Variants in MLLT10 observed in about 807,000 individuals in gnomAD.
The protein encoded by MLLT10 is MLLT10 histone lysine methyltransferase DOT1L cofactor, also known as protein AF-10.
MLLT10 carries 30 observed loss-of-function variants against 129.1 expected under a neutral mutation model. The ratio of observed to expected loss-of-function variants is 0.23; its 90% CI spans 0.17 to 0.32. MLLT10 has a LOEUF of 0.32. MLLT10 is among the 10% of genes least tolerant of loss of function. MLLT10 has a pLI of 1.00. For missense variants in MLLT10, 1,119 were observed against 1,268.3 expected, an observed-to-expected ratio of 0.88 and a Z score of 1.79; for synonymous variants, 490 against 446.4, an observed-to-expected ratio of 1.10 and a Z score of -1.23.
At chr10:21,650,418 G>A (rs2048907861) in intron 8 of MLLT10, among the ~76,000 whole-genome samples, 1 of 152,098 alleles carries the variant, frequency 6.6e-6, no homozygotes, top group South Asian at 2.1e-4. Flanking sequence ...TGACAGTGCA[G>A]CCTGAAAATA....
intron 22 of MLLT10, among the ~76,000 whole-genome samples, chr10:21,740,800 T>C (rs151104598): frequency 1.3e-5 from 2 of 152,368 alleles, no homozygotes; most frequent in East Asian, 3.9e-4. Context: ...GCAGGAACAG[T>C]ATTCTACACA....
intron 5 of MLLT10, among the ~76,000 whole-genome samples, chr10:21,603,927 G>A (rs2043811435): frequency 6.6e-6 from 1 of 151,428 alleles, no homozygotes; most frequent in Non-Finnish European, 1.5e-5. Context: ...TAGGAGACCA[G>A]TCATATTGGA....
intron 7 of MLLT10, among the ~76,000 whole-genome samples, chr10:21,615,252 A>G (rs2045112963): frequency 6.6e-6 from 1 of 151,712 alleles, no homozygotes. Flanking sequence ...GAGGTTGGGA[A>G]TTGGAGACCA....
intron 21 of MLLT10, among the ~76,000 whole-genome samples, chr10:21,735,848 G>A (rs187370255): frequency 2.0e-5 from 3 of 152,252 alleles, no homozygotes; most frequent in Admixed American, 6.5e-5. Context: ...TTAGATGATC[G>A]CATACAGCCT....
rs1165485723 is a variant in MLLT10 at position 21,554,828 on chromosome 10, C to CT, written c.240+15928dup. 2.6e-3 allele frequency among the ~76,000 whole-genome samples: 374 copies of CT among 142,882 alleles called. 3 individuals carry two copies. Among genetic ancestry groups the CT allele is most frequent in the African/African-American group, 7.8e-3 (308 of 39,250 alleles). The allele number at this position is 142,882 out of a possible 152,430, so 93.7% of individuals were successfully genotyped here. A position where few individuals can be genotyped will look rare whatever the true frequency, so the allele number is the denominator to read the frequency against. ...TTTGTTTGTTTTTCTTTCTTTCTTT[C>CT]TTTTTTTTTTTTAGACAGAGTTTTG... On this transcript the variant is annotated intron_variant, in intron 3 of 22. Transcript: ENST00000307729.
At chr10:21,567,704 G>A (rs910465303) in intron 3 of MLLT10, among the ~76,000 whole-genome samples, 1 of 151,924 alleles carries the variant, frequency 6.6e-6, no homozygotes, top group African/African-American at 2.4e-5. Context: ...GTGGGGCTAG[G>A]TTTTCTATGG....
At position 21,685,396 on chromosome 10, in the gene MLLT10, G is replaced by A. The variant is rs183864687; in HGVS notation, c.1699+3139G>A. Among the ~76,000 whole-genome samples, 273 of 152,254 alleles carry A rather than the reference G, an allele frequency of 1.8e-3. 2 individuals carry two copies. Among genetic ancestry groups the A allele is most frequent in the Non-Finnish European group, 2.7e-3 (187 of 68,022 alleles). ...GTTGCACAGGCTGGAATGCAATGGTGCCATCTCAGCTCATTGCAACCTCTG... is the reference window on the plus strand; with the variant it reads ...GTTGCACAGGCTGGAATGCAATGGTACCATCTCAGCTCATTGCAACCTCTG... On this transcript the variant is annotated intron_variant, in intron 13 of 22. Transcript: ENST00000307729.
chr10:21,642,549 C>G (rs1017825713), intron 8 of MLLT10, among the ~76,000 whole-genome samples: 1 of 149,386 alleles, frequency 6.7e-6, no homozygotes, highest in Non-Finnish European at 1.5e-5. Flanking sequence ...CCCAGGTACT[C>G]GGGAGGATGA....
Position 21,586,231 on chromosome 10 carries a change from G to T in MLLT10, c.241-63G>T. 3.1e-6 allele frequency: 4 copies of T among 1,290,516 alleles called. No homozygotes were observed. The South Asian group carries it at 4.0e-5, about 13-fold the overall frequency. The allele number at this position is 1,290,516 out of a possible 1,614,324, so 79.9% of individuals were successfully genotyped here. A position where few individuals can be genotyped will look rare whatever the true frequency, so the allele number is the denominator to read the frequency against. ...TTTTCAGTAGTTTTGACGTTGCAGG[G>T]AAGATACTACATTTTTGATAATCTG... On this transcript the variant is annotated intron_variant, in intron 3 of 22. Transcript: ENST00000307729.
At chr10:21,669,511 A>G (rs986211000) in intron 9 of MLLT10, among the ~76,000 whole-genome samples, 3 of 152,296 alleles carry the variant, frequency 2.0e-5, no homozygotes, top group Middle Eastern at 3.4e-3. Context: ...ATACAATAAA[A>G]AAGTATTAAC....
In MLLT10 at chr10:21,673,445, C is replaced by T. The variant is rs1401511444; in HGVS notation, c.1147C>T (p.Arg383Cys). 19 of 1,612,986 alleles carry T rather than the reference C, an allele frequency of 1.2e-5. No individual in the cohort carries two copies. The highest frequency in any genetic ancestry group is 1.7e-5 in the Admixed American group (1 of 59,792). Residue 383 changes from arginine to cysteine, a missense_variant, in exon 11 of 23, where the codon CGT (arginine) becomes TGT (cysteine). By Grantham distance (180) the Arg-to-Cys change is radical. Transcript: ENST00000307729. ...CCTGAGCTTTACAGACTCAGATCTGCGTAATGACAGTTACTCTCACTCCCA... is the reference window on the plus strand; with the variant it reads ...CCTGAGCTTTACAGACTCAGATCTGTGTAATGACAGTTACTCTCACTCCCA... ...DFLSFTDSDL[R>C]NDSYSHSQQS...
chr10:21,601,319 G>A (rs945253456), intron 5 of MLLT10, among the ~76,000 whole-genome samples: 3 of 152,138 alleles, frequency 2.0e-5, no homozygotes, highest in African/African-American at 7.2e-5. Flanking sequence ...AAGACTCAAA[G>A]GCCTATTTAT....
At chr10:21,731,723 A>G (rs2057985860) in intron 17 of MLLT10, among the ~76,000 whole-genome samples, 1 of 152,170 alleles carries the variant, frequency 6.6e-6, no homozygotes, top group African/African-American at 2.4e-5. Context: ...GTGTTTCAGT[A>G]TCTTCACCAT....
At chr10:21,600,784 C>T (rs1421602807) in intron 5 of MLLT10, among the ~76,000 whole-genome samples, 4 of 152,094 alleles carry the variant, frequency 2.6e-5, no homozygotes, top group Admixed American at 1.3e-4. Flanking sequence ...TTGAAATTTT[C>T]TATTTGACTT....
chr10:21,629,325 G>T (rs2046784588), intron 8 of MLLT10, among the ~76,000 whole-genome samples: 1 of 151,572 alleles, frequency 6.6e-6, no homozygotes, highest in Admixed American at 6.6e-5. Flanking sequence ...TGTTTTTAAG[G>T]TTTTTTTGAG....
intron 13 of MLLT10, among the ~76,000 whole-genome samples, chr10:21,683,836 T>A (rs1452243649): frequency 6.6e-6 from 1 of 151,662 alleles, no homozygotes; most frequent in Non-Finnish European, 1.5e-5. Flanking sequence ...AACCTCCGCC[T>A]CCTGGGTTCT....
chr10:21,703,332 C>A (rs558428775), intron 13 of MLLT10, among the ~76,000 whole-genome samples: 302 of 151,330 alleles, frequency 2.0e-3, no homozygotes, highest in Non-Finnish European at 3.1e-3. Flanking sequence ...TCATCCCCTT[C>A]TATGTTGACT....
chr10:21,730,309 G>GAA (rs10568793), intron 16 of MLLT10, among the ~76,000 whole-genome samples: 9 of 122,856 alleles, frequency 7.3e-5, no homozygotes, highest in Admixed American at 3.4e-4. Flanking sequence ...CTCCAAAAAT[G>GAA]AAAAAAAAAA....
At chr10:21,710,548 C>G (rs895944213) in intron 13 of MLLT10, among the ~76,000 whole-genome samples, 1 of 152,166 alleles carries the variant, frequency 6.6e-6, no homozygotes, top group Non-Finnish European at 1.5e-5. Context: ...TGCAGGTTTA[C>G]TTACTGTAAC....
Sources: allele counts gnomAD v4.1 joint callset (sites outside exome capture counted in the v4.1 genomes callset), GRCh38; gene constraint gnomAD v4.1.1; transcripts MANE v1.5; gene names NCBI Gene and HGNC (gene_info 2026-07-23, HGNC 2026-07-21).